Variants in IL2RB observed in about 807,000 individuals in gnomAD.
The protein encoded by IL2RB is interleukin 2 receptor subunit beta, also known as interleukin-2 receptor subunit beta.
IL2RB carries 17 observed loss-of-function variants against 44.2 expected under a neutral mutation model. That is an observed-to-expected ratio of 0.38 (90% CI 0.26 to 0.58). IL2RB has a LOEUF of 0.58. IL2RB is among the 20% of genes least tolerant of loss of function. IL2RB has a pLI of 0.63. For synonymous variants in IL2RB, 286 were observed against 297.9 expected, an observed-to-expected ratio of 0.96 and a Z score of 0.41; for missense variants, 624 against 685.5, an observed-to-expected ratio of 0.91 and a Z score of 1.00.
Position 37,141,436 on chromosome 22 carries a change from C to T in IL2RB, c.282+998G>A, listed in dbSNP as rs901716304. ...TGGCCTCTCCCCTGCTTCTGGCACC[C>T]GATCTGATCCTGGAGGCACAGTCGG... On this transcript the variant is annotated intron_variant, in intron 4 of 9. Transcript: ENST00000216223. The surrounding 1 kb of genome is among the most constrained non-coding windows in gnomAD (Gnocchi z 4.4). Among the ~76,000 whole-genome samples, 5 of 152,168 alleles carry T rather than the reference C, an allele frequency of 3.3e-5. No individual in the cohort carries two copies. Among genetic ancestry groups the T allele is most frequent in the Admixed American group, 6.5e-5 (1 of 15,276 alleles).
In IL2RB at chr22:37,142,511, G is replaced by T; in HGVS notation, c.205C>A (p.Arg69=). 1.2e-6 allele frequency: 2 copies of T among 1,614,010 alleles called. No individual in the cohort carries two copies. The highest frequency in any genetic ancestry group is 1.7e-6 in the Non-Finnish European group (2 of 1,179,890). ...CQVHAWPDRR[R]WNQTCELLPV... Reference sequence around the variant, plus strand: ...AGCAGCTCACAGGTTTGGTTCCACCGCCTTTCATGGCAAAAGACCCTCTTT... The same window carrying T: ...AGCAGCTCACAGGTTTGGTTCCACCTCCTTTCATGGCAAAAGACCCTCTTT... The change falls in exon 4 of 10, where the codon CGG becomes AGG. Residue 69 remains arginine (R), a splice_region_variant and synonymous_variant. Transcript: ENST00000216223.
chr22:37,163,421 G>A (rs1455129493), intron 1 of IL2RB, among the ~76,000 whole-genome samples: 2 of 152,210 alleles, frequency 1.3e-5, no homozygotes, highest in Non-Finnish European at 2.9e-5. Flanking sequence ...AATGCAGGAA[G>A]GTAGATACCC....
intron 9 of IL2RB, among the ~76,000 whole-genome samples, chr22:37,130,348 G>A (rs1348492913): frequency 6.6e-6 from 1 of 152,182 alleles, no homozygotes; most frequent in African/African-American, 2.4e-5. Context: ...CTACTTCCTG[G>A]GCCTGAGCCT....
intron 1 of IL2RB, among the ~76,000 whole-genome samples, chr22:37,146,414 A>G (rs1405523984): frequency 1.3e-5 from 2 of 152,170 alleles, no homozygotes; most frequent in African/African-American, 2.4e-5. Context: ...GAGCAGGTGC[A>G]TGTACCCAGG....
intron 1 of IL2RB, among the ~76,000 whole-genome samples, chr22:37,164,062 A>G (rs1423520008): frequency 6.6e-6 from 1 of 152,232 alleles, no homozygotes; most frequent in Non-Finnish European, 1.5e-5. Flanking sequence ...AACAGCCCAG[A>G]GGCCATCACC....
chr22:37,167,894 G>T (rs187593925), intron 1 of IL2RB, among the ~76,000 whole-genome samples: 1 of 152,370 alleles, frequency 6.6e-6, no homozygotes, highest in East Asian at 1.9e-4. Flanking sequence ...GGAAGGGAAG[G>T]GGTGCGGGAG....
intron 1 of IL2RB, chr22:37,174,911 G>T (rs1465041227): frequency 6.6e-6 from 1 of 152,234 alleles, no homozygotes; most frequent in Non-Finnish European, 1.5e-5. Context: ...ATGAAGAACT[G>T]CCTGAGGCTG....
At chr22:37,143,437 T>A (rs1367508889) in intron 3 of IL2RB, 84 bp downstream of exon 3, 2 of 893,368 alleles carry the variant, frequency 2.2e-6, no homozygotes, top group East Asian at 5.0e-5. Context: ...TCTGTAAACG[T>A]TGACTCCTTG....
Position 37,128,892 on chromosome 22 carries a change from C to T in IL2RB, c.904-44G>A, listed in dbSNP as rs777499014. The T allele has an allele frequency of 5.8e-6, 9 of 1,552,720 alleles. No individual in the cohort carries two copies. The African/African-American group carries it at 6.8e-5, about 12-fold the overall frequency. On this transcript the variant is annotated intron_variant, in intron 9 of 9. Coordinates refer to ENST00000216223, the MANE Select transcript of IL2RB (RefSeq NM_000878.5). This position sits in a 1 kb window ranked among gnomAD's most constrained non-coding sequence, Gnocchi z 4.5. ...GGGGTGGGTGAGTGGGGGCTTCCTT[C>T]ACCCTCCACCCCTTCCTCTGGACTC...
Position 37,128,932 on chromosome 22 carries a change from C to G in IL2RB, c.904-84G>C. The G allele has an allele frequency of 7.0e-7, 1 of 1,423,426 alleles. No homozygotes were observed. The highest frequency in any genetic ancestry group is 9.4e-7 in the Non-Finnish European group (1 of 1,066,714). The allele number at this position is 1,423,426 out of a possible 1,614,324, so 88.2% of individuals were successfully genotyped here. Reference sequence around the variant, plus strand: ...CCTCTGGACTCTCAACAGCTCCTAACTCCTCCTCCTCCTGAAGCAGTTGGC... The same window carrying G: ...CCTCTGGACTCTCAACAGCTCCTAAGTCCTCCTCCTCCTGAAGCAGTTGGC... On this transcript the variant is annotated intron_variant, in intron 9 of 9. Transcript: ENST00000216223. This position sits in a 1 kb window ranked among gnomAD's most constrained non-coding sequence, Gnocchi z 4.5.
At chr22:37,146,833 G>A (rs1021551295) in intron 1 of IL2RB, among the ~76,000 whole-genome samples, 1 of 151,680 alleles carries the variant, frequency 6.6e-6, no homozygotes, top group Non-Finnish European at 1.5e-5. Context: ...AAAAAGCAGA[G>A]CTCTTTAGGT....
chr22:37,147,912 A>G (rs1449014647), intron 1 of IL2RB, among the ~76,000 whole-genome samples: 1 of 152,220 alleles, frequency 6.6e-6, no homozygotes, highest in African/African-American at 2.4e-5. Context: ...CATAGCCCCT[A>G]TGCCCCTTCA....
intron 1 of IL2RB, among the ~76,000 whole-genome samples, chr22:37,164,180 G>C (rs560491233): frequency 1.3e-5 from 2 of 152,274 alleles, no homozygotes; most frequent in East Asian, 3.9e-4. Flanking sequence ...TGCGCTCCCT[G>C]CCCCTCAGCC....
In IL2RB at chr22:37,128,910, C is replaced by G; in HGVS notation, c.904-62G>C. 6.5e-7 allele frequency: 1 copy of G among 1,529,500 alleles called. No individual in the cohort carries two copies. Among genetic ancestry groups the G allele is most frequent in the Non-Finnish European group, 8.8e-7 (1 of 1,135,588 alleles). The allele number at this position is 1,529,500 out of a possible 1,614,324, so 94.7% of individuals were successfully genotyped here. Reference sequence around the variant, plus strand: ...CTTCCTTCACCCTCCACCCCTTCCTCTGGACTCTCAACAGCTCCTAACTCC... The same window carrying G: ...CTTCCTTCACCCTCCACCCCTTCCTGTGGACTCTCAACAGCTCCTAACTCC... On this transcript the variant is annotated intron_variant, in intron 9 of 9. Transcript: ENST00000216223. This position sits in a 1 kb window ranked among gnomAD's most constrained non-coding sequence, Gnocchi z 4.5.
At chr22:37,155,134 G>A (rs1922634084) in intron 1 of IL2RB, among the ~76,000 whole-genome samples, 1 of 152,172 alleles carries the variant, frequency 6.6e-6, no homozygotes, top group South Asian at 2.1e-4. Context: ...GGGTGAGACA[G>A]TACGCCAGCA....
chr22:37,134,800 C>T (rs961062299), intron 8 of IL2RB, among the ~76,000 whole-genome samples: 3 of 152,216 alleles, frequency 2.0e-5, no homozygotes, highest in African/African-American at 7.2e-5. Flanking sequence ...TGCCTTCCCC[C>T]ACTGGGCCGT....
At chr22:37,130,881 T>C (rs1921390906) in intron 9 of IL2RB, among the ~76,000 whole-genome samples, 1 of 152,170 alleles carries the variant, frequency 6.6e-6, no homozygotes, top group South Asian at 2.1e-4. Context: ...GTACTGCAAC[T>C]AATGGCCAGG....
intron 1 of IL2RB, among the ~76,000 whole-genome samples, chr22:37,164,734 G>C (rs1923010660): frequency 6.6e-6 from 1 of 152,084 alleles, no homozygotes; most frequent in Non-Finnish European, 1.5e-5. Flanking sequence ...CATCACCGAG[G>C]CTCCAGAGAG....
rs34577916 is a variant in IL2RB at position 37,136,466 on chromosome 22, AC to A, written c.538-74del. On this transcript the variant is annotated intron_variant, in intron 6 of 9. Transcript: ENST00000216223. ...GGGCCAGGAGGCTGAGCATCACAGA[AC>A]CCCCCCCCAACCCCTGCCAGCTGCA... The A allele has an allele frequency of 6.4e-3, 8,437 of 1,311,188 alleles. 116 individuals carry two copies. The highest frequency in any genetic ancestry group is 0.058 in the African/African-American group (3,527 of 61,128). 81.2% of individuals were successfully genotyped at this position (1,311,188 alleles called of 1,614,324 possible).
Sources: allele counts gnomAD v4.1 joint callset (sites outside exome capture counted in the v4.1 genomes callset), GRCh38; gene constraint gnomAD v4.1.1; non-coding constraint Gnocchi (gnomAD v3.1); transcripts MANE v1.5; gene names NCBI Gene and HGNC (gene_info 2026-07-23, HGNC 2026-07-21).